BTNL8: variants seen among roughly 807,000 people sequenced by gnomAD.
BTNL8 encodes the protein butyrophilin like 8.
BTNL8 carries 22 observed loss-of-function variants against 36.1 expected under a neutral mutation model. That is an observed-to-expected ratio of 0.61 (90% CI 0.44 to 0.87). The LOEUF (loss-of-function observed/expected upper bound fraction) is 0.87. Among genes scored for constraint, BTNL8 ranks in the 40% least tolerant of loss-of-function variants. The pLI is 0.00. For missense variants in BTNL8, 526 were observed against 616.9 expected (o/e 0.85, Z 1.56); for synonymous variants, 203 against 235.6 (o/e 0.86, Z 1.27).
chr5:180,941,876 A>T (rs1758974525), intron 3 of BTNL8, among the ~76,000 whole-genome samples: 2 of 70,692 alleles, frequency 2.8e-5, no homozygotes, highest in Non-Finnish European at 2.8e-5. Context: ...TTTCAATAAG[A>T]ACTGGAACAA....
intron 1 of BTNL8, among the ~76,000 whole-genome samples, chr5:180,905,177 G>A (rs1188316471): frequency 6.6e-6 from 1 of 150,834 alleles, no homozygotes; most frequent in South Asian, 2.1e-4. Context: ...TGGTTGGTAA[G>A]CTATTGATTA....
At chr5:180,937,712 C>G (rs1758724520) in intron 3 of BTNL8, among the ~76,000 whole-genome samples, 1 of 151,706 alleles carries the variant, frequency 6.6e-6, no homozygotes, top group South Asian at 2.1e-4. Flanking sequence ...TGTAGGAACC[C>G]AAGAAACATG....
intron 3 of BTNL8, among the ~76,000 whole-genome samples, chr5:180,915,454 T>C (rs1757586016): frequency 6.6e-6 from 1 of 152,230 alleles, no homozygotes; most frequent in Non-Finnish European, 1.5e-5. Flanking sequence ...GCAGCCAGCC[T>C]GCTTTGCAGG....
chr5:180,941,215 C>G (rs537369522), intron 3 of BTNL8, among the ~76,000 whole-genome samples: 4 of 152,074 alleles, frequency 2.6e-5, no homozygotes, highest in Admixed American at 6.5e-5. Flanking sequence ...TAGATAAACT[C>G]ATAAACACAT....
Position 180,950,594 on chromosome 5 carries a change from C to T in BTNL8, c.*50C>T. ...TTTAGGGATATTAAGGTCTCTCTCC[C>T]AGATCCAAAGTCCCGCAGCAGCCGG... On this transcript the variant is annotated 3_prime_UTR_variant, in exon 8 of 8. Coordinates refer to ENST00000340184, the MANE Select transcript of BTNL8 (RefSeq NM_001040462.3). 2 of 1,437,976 alleles carry T rather than the reference C, an allele frequency of 1.4e-6. 1 individual carries two copies. Among genetic ancestry groups the T allele is most frequent in the Non-Finnish European group, 1.9e-6 (2 of 1,047,064 alleles). The allele number at this position is 1,437,976 out of a possible 1,614,324, so 89.1% of individuals were successfully genotyped here.
intron 3 of BTNL8, among the ~76,000 whole-genome samples, chr5:180,926,340 G>T (rs1039231865): frequency 6.6e-6 from 1 of 152,238 alleles, no homozygotes; most frequent in African/African-American, 2.4e-5. Context: ...TAGACCAGAA[G>T]ATTCCCTTGG....
intron 7 of BTNL8, 117 bp from the exon 8 acceptor site, chr5:180,949,787 C>A: frequency 7.9e-7 from 1 of 1,272,648 alleles, no homozygotes; most frequent in Non-Finnish European, 1.1e-6. Flanking sequence ...AGGCTCAGGT[C>A]CGGGGCCTCA....
chr5:180,943,079 A>G (rs1314678789), intron 3 of BTNL8, among the ~76,000 whole-genome samples: 1 of 151,974 alleles, frequency 6.6e-6, no homozygotes, highest in African/African-American at 2.4e-5. Flanking sequence ...GAACTCAAAC[A>G]ACTCAAGAGT....
Position 180,947,629 on chromosome 5 carries a change from A to G in BTNL8, c.787+4A>G. Reference sequence around the variant, plus strand: ...ATTTTCTTCTCCAAATTCCAGTGTAAGCGAGAGAGAGAAGCATGGGCCGGT... The same window carrying G: ...ATTTTCTTCTCCAAATTCCAGTGTAGGCGAGAGAGAGAAGCATGGGCCGGT... On this transcript the variant is annotated splice_donor_region_variant and intron_variant, in intron 4 of 7. Coordinates refer to ENST00000340184, the MANE Select transcript of BTNL8 (RefSeq NM_001040462.3). The G allele has an allele frequency of 6.2e-7, 1 of 1,614,200 alleles. No individual in the cohort carries two copies. Among genetic ancestry groups the G allele is most frequent in the Non-Finnish European group, 8.5e-7 (1 of 1,180,030 alleles).
chr5:180,908,972 C>A (rs376507383), intron 2 of BTNL8, 39 bp downstream of exon 2: 75 of 1,541,304 alleles, frequency 4.9e-5, no homozygotes, highest in Non-Finnish European at 6.2e-5. Flanking sequence ...TCCCAAAGAA[C>A]CATCCTGGAC....
intron 3 of BTNL8, chr5:180,945,839 G>T: frequency 2.0e-6 from 1 of 494,960 alleles, no homozygotes; most frequent in South Asian, 1.5e-5. Flanking sequence ...CCGGAAATAT[G>T]GCCTCAATAT....
chr5:180,908,873 G>A lies in BTNL8; in HGVS notation c.337G>A (p.Gly113Arg). 2 of 1,614,144 alleles carry A rather than the reference G, an allele frequency of 1.2e-6. No individual in the cohort carries two copies. Among genetic ancestry groups the A allele is most frequent in the Non-Finnish European group, 8.5e-7 (1 of 1,180,034 alleles). The stretch of plus-strand genomic sequence containing the variant: ...TACTGTGTTGGATGCTGGCCTCTAT[G>A]GGTGCAGGATTAGTTCCCAGTCTTA... ...NITVLDAGLYGCRISSQSYYQ... is the reference protein window; with the variant it reads ...NITVLDAGLYRCRISSQSYYQ... Residue 113 changes from glycine (G) to arginine (R), a missense_variant, in exon 2 of 8, where the codon GGG becomes AGG. By Grantham distance (125) the Gly-to-Arg change is moderately radical. This residue lies in a region of BTNL8 where 350 missense variants were observed against 324.6 expected (regional missense o/e 1.08). Coordinates refer to ENST00000340184, the MANE Select transcript of BTNL8 (RefSeq NM_001040462.3).
intron 3 of BTNL8, among the ~76,000 whole-genome samples, chr5:180,929,757 A>C (rs1160865768): frequency 6.6e-6 from 1 of 152,236 alleles, no homozygotes; most frequent in East Asian, 1.9e-4. Context: ...TCCCAACACT[A>C]AACCAGGAAG....
At chr5:180,924,889 A>C (rs1476548581) in intron 3 of BTNL8, among the ~76,000 whole-genome samples, 1 of 152,226 alleles carries the variant, frequency 6.6e-6, no homozygotes, top group African/African-American at 2.4e-5. Flanking sequence ...CTACAAGAAA[A>C]TGCAGATAGA....
Position 180,908,813 on chromosome 5 carries a change from G to A in BTNL8, c.277G>A (p.Ala93Thr), listed in dbSNP as rs144634509. Residue 93 changes from alanine to threonine, a missense_variant, in exon 2 of 8, where the codon GCG (alanine) becomes ACG (threonine). This residue lies in a region of BTNL8 where 350 missense variants were observed against 324.6 expected (regional missense o/e 1.08). Transcript: ENST00000340184. ...GACAAAACTGGTGAAGGATTCTATT[G>A]CGGAGGGGCGCATCTCTCTGAGGCT... ...GRTKLVKDSIAEGRISLRLEN... is the reference protein window; with the variant it reads ...GRTKLVKDSITEGRISLRLEN... The A allele has an allele frequency of 5.3e-4, 852 of 1,614,174 alleles. 3 individuals carry two copies. Among genetic ancestry groups the A allele is most frequent in the Middle Eastern group, 2.3e-3 (14 of 6,062 alleles).
intron 3 of BTNL8, among the ~76,000 whole-genome samples, chr5:180,941,086 AAGGG>A (rs200307141): frequency 0.44 from 54,595 of 125,476 alleles, 12,081 homozygotes; most frequent in African/African-American, 0.52. Flanking sequence ...AAAGAGGTGG[AAGGG>A]AGGGAGGGAG....
intron 3 of BTNL8, among the ~76,000 whole-genome samples, chr5:180,913,358 G>A (rs143027593): frequency 6.6e-6 from 1 of 152,222 alleles, no homozygotes; most frequent in East Asian, 1.9e-4. Flanking sequence ...CTGATGCTAC[G>A]CAGGACCCAC....
In BTNL8 at chr5:180,908,797, G is replaced by C; in HGVS notation, c.261G>C (p.Leu87=). The change falls in exon 2 of 8, where the codon CTG becomes CTC. Residue 87 remains leucine, a synonymous_variant. Transcript: ENST00000340184. ...QMPQYQGRTK[L]VKDSIAEGRI... The stretch of plus-strand genomic sequence containing the variant: ...CACAGTATCAAGGCAGGACAAAACT[G>C]GTGAAGGATTCTATTGCGGAGGGGC... The C allele has an allele frequency of 6.2e-7, 1 of 1,614,174 alleles. No individual in the cohort carries two copies. Among genetic ancestry groups the C allele is most frequent in the Non-Finnish European group, 8.5e-7 (1 of 1,180,026 alleles).
rs201704967 is a variant in BTNL8, at chr5:180,943,323, C to T, written c.674-4189C>T. Among the ~76,000 whole-genome samples, 649 of 151,794 alleles carry T rather than the reference C, an allele frequency of 4.3e-3. 6 individuals carry two copies. Among genetic ancestry groups the T allele is most frequent in the Middle Eastern group, 0.014 (4 of 292 alleles). On this transcript the variant is annotated intron_variant, in intron 3 of 7. Coordinates refer to ENST00000340184, the MANE Select transcript of BTNL8 (RefSeq NM_001040462.3). ...CTAATTTTTATATTTTTAGTAGAGACGGGGTTTCACCAGGTTGGCCAGGCT... is the reference window on the plus strand; with the variant it reads ...CTAATTTTTATATTTTTAGTAGAGATGGGGTTTCACCAGGTTGGCCAGGCT...
Sources: allele counts gnomAD v4.1 joint callset (sites outside exome capture counted in the v4.1 genomes callset), GRCh38; gene constraint gnomAD v4.1.1; regional missense constraint gnomAD v4.1.1; transcripts MANE v1.5; gene names NCBI Gene and HGNC (gene_info 2026-07-23, HGNC 2026-07-21).